The following COL23A1 variants were observed in gnomAD, a reference collection of about 807,000 sequenced individuals.
COL23A1 encodes the protein collagen alpha-1(XXIII) chain.
A neutral mutation model predicts 99.3 loss-of-function variants in COL23A1; 97 were observed. The observed-to-expected ratio is 0.98, with a 90% CI of 0.83 to 1.16. The LOEUF is 1.16. COL23A1 is among the 50% of genes most tolerant of loss of function. The pLI is 0.00. For missense variants in COL23A1, 762 were observed against 757.4 expected, an observed-to-expected ratio of 1.01 and a Z score of -0.07; for synonymous variants, 320 against 308.2, an observed-to-expected ratio of 1.04 and a Z score of -0.40.
intron 2 of COL23A1, among the ~76,000 whole-genome samples, chr5:178,380,760 G>A (rs1203362740): frequency 1.3e-5 from 2 of 152,180 alleles, no homozygotes; most frequent in East Asian, 1.9e-4. Flanking sequence ...GCCGCAGTGA[G>A]AGGGAGGAGA....
chr5:178,310,741 C>G lies in COL23A1; in HGVS notation c.362-3822G>C, dbSNP rs192599142. Among the ~76,000 whole-genome samples the G allele has an allele frequency of 7.9e-3, 1,209 of 152,270 alleles. 13 individuals are homozygous for G. The highest frequency in any genetic ancestry group is 0.013 in the South Asian group (63 of 4,824). Reference sequence around the variant, plus strand: ...TGGTGTGGAGCAGGTTGCCCCGGCCCCTGGGAGAGCAGGGCCAGCTTGGCT... The same window carrying G: ...TGGTGTGGAGCAGGTTGCCCCGGCCGCTGGGAGAGCAGGGCCAGCTTGGCT... On this transcript the variant is annotated intron_variant, in intron 2 of 28. Coordinates refer to ENST00000390654, the MANE Select transcript of COL23A1 (RefSeq NM_173465.4). This position sits in a 1 kb window ranked among gnomAD's most constrained non-coding sequence, Gnocchi z 4.3.
chr5:178,359,577 T>G (rs1762068511), intron 2 of COL23A1, among the ~76,000 whole-genome samples: 1 of 152,208 alleles, frequency 6.6e-6, no homozygotes, highest in South Asian at 2.1e-4. Flanking sequence ...AGAGTGCAGG[T>G]TGCTCATAAG....
rs370996847 is a variant in COL23A1 at position 178,489,973 on chromosome 5, C to T, written c.361+70709G>A. 7.9e-5 allele frequency among the ~76,000 whole-genome samples: 12 copies of T among 152,260 alleles called. No homozygotes were observed. In the East Asian group the frequency reaches 2.1e-3, roughly 27 times the overall value. On this transcript the variant is annotated intron_variant, in intron 2 of 28. Coordinates refer to ENST00000390654, the MANE Select transcript of COL23A1 (RefSeq NM_173465.4). ...GGGTGGCTGGGTGTGGTGGTTCACT[C>T]CTGTAATCCCAGCACTTTGGGAGGC...
chr5:178,318,471 A>T (rs1221285112), intron 2 of COL23A1, among the ~76,000 whole-genome samples: 1 of 152,206 alleles, frequency 6.6e-6, no homozygotes, highest in Non-Finnish European at 1.5e-5. Flanking sequence ...GAAGAGGGGA[A>T]AGCCCCTCAG....
intron 2 of COL23A1, among the ~76,000 whole-genome samples, chr5:178,378,614 A>G (rs1202000492): frequency 6.6e-6 from 1 of 152,220 alleles, no homozygotes; most frequent in African/African-American, 2.4e-5. Context: ...TCCCCCGCAG[A>G]GGCGACAATG....
chr5:178,510,586 G>A (rs569824833), intron 2 of COL23A1, among the ~76,000 whole-genome samples: 1 of 152,184 alleles, frequency 6.6e-6, no homozygotes, highest in African/African-American at 2.4e-5. Flanking sequence ...GTTAATGGGT[G>A]CAGCACACCA....
At chr5:178,581,826 C>G (rs262045) in intron 1 of COL23A1, among the ~76,000 whole-genome samples, 87,315 of 151,876 alleles carry the variant, frequency 0.57, 28,111 homozygotes, top group African/African-American at 0.86. Flanking sequence ...TAAAGATGAG[C>G]CATCACCTGG....
intron 17 of COL23A1, among the ~76,000 whole-genome samples, chr5:178,252,141 CT>C (rs1765070857): frequency 6.6e-6 from 1 of 152,094 alleles, no homozygotes; most frequent in African/African-American, 2.4e-5. Context: ...TCTCAAACTC[CT>C]GACCTCAGGT....
chr5:178,394,461 G>A (rs941635654), intron 2 of COL23A1, among the ~76,000 whole-genome samples: 11 of 152,208 alleles, frequency 7.2e-5, no homozygotes, highest in Non-Finnish European at 1.5e-4. Flanking sequence ...GATCTCCAAG[G>A]AAGACAACTG....
intron 2 of COL23A1, among the ~76,000 whole-genome samples, chr5:178,338,928 C>T (rs1450798895): frequency 6.6e-6 from 1 of 152,202 alleles, no homozygotes; most frequent in African/African-American, 2.4e-5. Flanking sequence ...TGAGGCTTGT[C>T]TCTATCAACA....
At chr5:178,319,274 G>A (rs1759153262) in intron 2 of COL23A1, among the ~76,000 whole-genome samples, 1 of 152,156 alleles carries the variant, frequency 6.6e-6, no homozygotes, top group African/African-American at 2.4e-5. Context: ...ATGTAAACCA[G>A]CACACCCCAA....
At chr5:178,411,499 G>C (rs991715059) in intron 2 of COL23A1, among the ~76,000 whole-genome samples, 4 of 152,106 alleles carry the variant, frequency 2.6e-5, no homozygotes, top group African/African-American at 9.7e-5. Flanking sequence ...TTACAATGTG[G>C]ATGAACTGAA....
At chr5:178,383,294 G>C (rs1270252122) in intron 2 of COL23A1, among the ~76,000 whole-genome samples, 1 of 152,172 alleles carries the variant, frequency 6.6e-6, no homozygotes, top group Non-Finnish European at 1.5e-5. Context: ...CCAGCTTCCC[G>C]CAGAGATGGC....
At chr5:178,399,559 C>T (rs955846588) in intron 2 of COL23A1, among the ~76,000 whole-genome samples, 10 of 152,218 alleles carry the variant, frequency 6.6e-5, no homozygotes, top group Admixed American at 1.3e-4. Context: ...ACAAGGCCCA[C>T]GCCCCTGCAC....
rs117402694 is a variant in COL23A1 at position 178,544,128 on chromosome 5, T to C, written c.361+16554A>G. On this transcript the variant is annotated intron_variant, in intron 2 of 28. Coordinates refer to ENST00000390654, the MANE Select transcript of COL23A1 (RefSeq NM_173465.4). This position sits in a 1 kb window ranked among gnomAD's most constrained non-coding sequence, Gnocchi z 4.4. ...AGTCCACAGCATAATCTCCGGGGCA[T>C]GTCCCTCCTTACACTCTCCCTCCTC... Among the ~76,000 whole-genome samples, 9 of 152,238 alleles carry C rather than the reference T, an allele frequency of 5.9e-5. No homozygotes were observed. In the East Asian group the frequency reaches 1.4e-3, roughly 23 times the overall value.
chr5:178,568,063 C>T (rs765665631), intron 1 of COL23A1, among the ~76,000 whole-genome samples: 1 of 152,220 alleles, frequency 6.6e-6, no homozygotes, highest in African/African-American at 2.4e-5. Context: ...CATGGGCCCC[C>T]GATGGGATGC....
At chr5:178,392,083 G>A (rs1381529599) in intron 2 of COL23A1, among the ~76,000 whole-genome samples, 2 of 151,838 alleles carry the variant, frequency 1.3e-5, no homozygotes, top group Admixed American at 1.3e-4. Flanking sequence ...GCTTTGAGGG[G>A]AAATGATGGG....
chr5:178,331,730 C>T (rs146219164), intron 2 of COL23A1, among the ~76,000 whole-genome samples: 2 of 152,326 alleles, frequency 1.3e-5, no homozygotes, highest in African/African-American at 4.8e-5. Flanking sequence ...ATCTTTTAAT[C>T]CCAGCTGTTA....
At chr5:178,386,183 A>G (rs1763660995) in intron 2 of COL23A1, among the ~76,000 whole-genome samples, 1 of 152,202 alleles carries the variant, frequency 6.6e-6, no homozygotes, top group Admixed American at 6.5e-5. Flanking sequence ...TCACACCTGT[A>G]ATCCTAGCAT....
Sources: gnomAD v4.1 joint callset for allele counts (sites outside exome capture counted in the v4.1 genomes callset) on GRCh38, gnomAD v4.1.1 for gene constraint, Gnocchi (gnomAD v3.1) non-coding constraint, MANE v1.5 for transcripts, NCBI Gene and HGNC (gene_info 2026-07-23, HGNC 2026-07-21) for gene names.